ESRP1: variants seen among roughly 807,000 people sequenced by gnomAD.
ESRP1 encodes epithelial splicing regulatory protein 1, also known as RNA-binding motif protein 35A.
In ESRP1, 33 loss-of-function variants were observed where a neutral mutation model predicts 81.7. The ratio of observed to expected loss-of-function variants is 0.40; its 90% CI spans 0.31 to 0.54. The LOEUF (loss-of-function observed/expected upper bound fraction) is 0.54, where lower values mean the gene tolerates loss of function less well. ESRP1 is among the 20% of genes least tolerant of loss of function. The probability of loss-of-function intolerance (pLI) is 0.41; values close to 1 mark genes in which losing one functional copy is unlikely to be tolerated. For synonymous variants in ESRP1, 320 were observed against 303.3 expected, an observed-to-expected ratio of 1.06 and a Z score of -0.57; for missense variants, 672 against 833.1, an observed-to-expected ratio of 0.81 and a Z score of 2.38.
intron 2 of ESRP1, among the ~76,000 whole-genome samples, chr8:94,642,396 C>T (rs1488924523): frequency 6.6e-6 from 1 of 152,250 alleles, no homozygotes; most frequent in Non-Finnish European, 1.5e-5. Context: ...TGAATCCTAG[C>T]GCCCCCATCT....
chr8:94,670,735 T>C (rs549372811), intron 10 of ESRP1, among the ~76,000 whole-genome samples: 1 of 152,352 alleles, frequency 6.6e-6, no homozygotes, highest in East Asian at 1.9e-4. Flanking sequence ...TAACCTATCA[T>C]CATCCATTTC....
At chr8:94,682,263 A>G (rs1259074882) in intron 13 of ESRP1, among the ~76,000 whole-genome samples, 4 of 152,188 alleles carry the variant, frequency 2.6e-5, no homozygotes, top group East Asian at 3.9e-4. Context: ...AAGCTGTTGC[A>G]TAGGTGGGAG....
At chr8:94,685,636 G>GAAAAAATAA (rs1809107390) in intron 13 of ESRP1, among the ~76,000 whole-genome samples, 1 of 151,808 alleles carries the variant, frequency 6.6e-6, no homozygotes, top group Non-Finnish European at 1.5e-5. Flanking sequence ...ACTCCATTCT[G>GAAAAAATAA]AAAAAATAAA....
At chr8:94,703,054 T>C (rs368740791) in intron 15 of ESRP1, among the ~76,000 whole-genome samples, 1 of 152,284 alleles carries the variant, frequency 6.6e-6, no homozygotes, top group African/African-American at 2.4e-5. Flanking sequence ...TTCTCAACTT[T>C]GTTTGCTATA....
intron 2 of ESRP1, 132 bp downstream of exon 2, chr8:94,642,216 GC>G: frequency 8.6e-7 from 1 of 1,161,900 alleles, no homozygotes; most frequent in Non-Finnish European, 1.2e-6. Flanking sequence ...GTGGGTGGGA[GC>G]CCAGCCTGAG....
intron 15 of ESRP1, among the ~76,000 whole-genome samples, chr8:94,702,911 G>A (rs1809895618): frequency 6.6e-6 from 1 of 152,118 alleles, no homozygotes; most frequent in Non-Finnish European, 1.5e-5. Flanking sequence ...AGCACCAGTG[G>A]TGAAATCCAG....
intron 13 of ESRP1, among the ~76,000 whole-genome samples, chr8:94,683,797 G>A (rs1005098921): frequency 6.6e-6 from 1 of 152,186 alleles, no homozygotes; most frequent in Non-Finnish European, 1.5e-5. Flanking sequence ...TCTAAATGAT[G>A]TAAGGGAGAA....
At chr8:94,689,549 A>G (rs1299876089) in intron 13 of ESRP1, among the ~76,000 whole-genome samples, 3 of 151,982 alleles carry the variant, frequency 2.0e-5, no homozygotes, top group Non-Finnish European at 4.4e-5. Context: ...TTATTTTTCT[A>G]CATATAAGTT....
intron 3 of ESRP1, among the ~76,000 whole-genome samples, chr8:94,644,809 G>A (rs963532642): frequency 3.9e-5 from 6 of 152,180 alleles, no homozygotes; most frequent in South Asian, 2.1e-4. Context: ...CTGTATATTC[G>A]TTAAAGAAAA....
At chr8:94,670,112 C>T (rs1342699581) in intron 10 of ESRP1, among the ~76,000 whole-genome samples, 1 of 152,148 alleles carries the variant, frequency 6.6e-6, no homozygotes, top group Non-Finnish European at 1.5e-5. Flanking sequence ...TAGGCTGCCT[C>T]TCTATGATTC....
intron 3 of ESRP1, among the ~76,000 whole-genome samples, chr8:94,644,074 T>A (rs1448084417): frequency 6.6e-6 from 1 of 152,200 alleles, no homozygotes; most frequent in African/African-American, 2.4e-5. Flanking sequence ...CCTTTGCTCA[T>A]TTTTCTGACA....
rs555843889 is a variant in ESRP1, at chr8:94,682,469, C to T, written c.1820+4098C>T. Among the ~76,000 whole-genome samples, 5 of 152,216 alleles carry T rather than the reference C, an allele frequency of 3.3e-5. No homozygotes were observed. The East Asian group carries it at 5.8e-4, about 18-fold the overall frequency. ...GCAGCCTTGATCTCCCAGGCTCAAG[C>T]GATCCTCACGCCTCAGTCTCCCAAG... On this transcript the variant is annotated intron_variant, in intron 13 of 15. Coordinates refer to ENST00000433389, the MANE Select transcript of ESRP1 (RefSeq NM_017697.4).
intron 13 of ESRP1, among the ~76,000 whole-genome samples, chr8:94,680,756 T>C (rs1250310399): frequency 6.6e-6 from 1 of 152,104 alleles, no homozygotes; most frequent in Non-Finnish European, 1.5e-5. Flanking sequence ...CTGGCATAAC[T>C]ACTGGGCATT....
At chr8:94,642,291 G>A (rs1817642021) in intron 2 of ESRP1, among the ~76,000 whole-genome samples, 1 of 152,244 alleles carries the variant, frequency 6.6e-6, no homozygotes, top group Non-Finnish European at 1.5e-5. Context: ...CCCAGGGTTT[G>A]GGACCGACAT....
At chr8:94,642,396 C>A (rs1488924523) in intron 2 of ESRP1, among the ~76,000 whole-genome samples, 1 of 152,250 alleles carries the variant, frequency 6.6e-6, no homozygotes, top group East Asian at 1.9e-4. Context: ...TGAATCCTAG[C>A]GCCCCCATCT....
intron 4 of ESRP1, among the ~76,000 whole-genome samples, chr8:94,658,058 T>C (rs926789615): frequency 6.6e-6 from 1 of 152,108 alleles, no homozygotes; most frequent in African/African-American, 2.4e-5. Flanking sequence ...ATTATAGGCG[T>C]CCGCCACCAC....
intron 2 of ESRP1, among the ~76,000 whole-genome samples, chr8:94,642,399 C>T (rs1246582511): frequency 2.0e-5 from 3 of 152,226 alleles, no homozygotes; most frequent in Admixed American, 6.5e-5. Flanking sequence ...ATCCTAGCGC[C>T]CCCATCTCCA....
chr8:94,696,062 C>A (rs1298802294), intron 14 of ESRP1, among the ~76,000 whole-genome samples: 1 of 150,860 alleles, frequency 6.6e-6, no homozygotes, highest in Non-Finnish European at 1.5e-5. Context: ...GACTCTGTCT[C>A]AAAACAAACA....
At chr8:94,644,158 A>T (rs1817738426) in intron 3 of ESRP1, among the ~76,000 whole-genome samples, 1 of 152,228 alleles carries the variant, frequency 6.6e-6, no homozygotes. Context: ...TGGGATAAAT[A>T]CTGAGGGGCT....
Sources: gnomAD v4.1 joint callset for allele counts (sites outside exome capture counted in the v4.1 genomes callset) on GRCh38, gnomAD v4.1.1 for gene constraint, MANE v1.5 for transcripts, NCBI Gene and HGNC (gene_info 2026-07-23, HGNC 2026-07-21) for gene names.